Variants in PCDHA8 observed in about 807,000 individuals in gnomAD.
PCDHA8 encodes protocadherin alpha-8.
A neutral mutation model predicts 61.8 loss-of-function variants in PCDHA8; 53 were observed. The observed-to-expected ratio is 0.86, with a 90% confidence interval of 0.69 to 1.08. PCDHA8 has a LOEUF of 1.08. PCDHA8 is among the 50% of genes least tolerant of loss of function. The probability of loss-of-function intolerance (pLI) is 0.00; values close to 1 mark genes in which losing one functional copy is unlikely to be tolerated. For synonymous variants in PCDHA8, 618 were observed against 556.6 expected (o/e 1.11, Z -1.55); for missense variants, 1,293 against 1,245.0 (o/e 1.04, Z -0.58).
rs571034520 is a variant in PCDHA8 at position 140,922,140 on chromosome 5, A to G, written c.2395-56809A>G. ...CACCTTTAAATGTCTCTTATCCTCC[A>G]TGAAACTCATCAAAAACAACAAAAA... On this transcript the variant is annotated intron_variant, in intron 1 of 3. Coordinates refer to ENST00000531613, the MANE Select transcript of PCDHA8 (RefSeq NM_018911.3). Among the ~76,000 whole-genome samples the G allele has an allele frequency of 6.6e-5, 10 of 152,202 alleles. No individual in the cohort carries two copies. The East Asian group carries it at 1.9e-3, about 29-fold the overall frequency.
chr5:140,938,760 T>C (rs574872397), intron 1 of PCDHA8, among the ~76,000 whole-genome samples: 2 of 152,286 alleles, frequency 1.3e-5, no homozygotes, highest in Admixed American at 1.3e-4. Flanking sequence ...GCATAGTTAT[T>C]GGGTACTAGA....
chr5:140,857,320 G>T, intron 1 of PCDHA8: 1 of 1,598,728 alleles, frequency 6.3e-7, no homozygotes. Flanking sequence ...AGCTGGTGGT[G>T]ACCGCGCGGG....
chr5:140,954,025 C>T (rs533473552), intron 1 of PCDHA8, among the ~76,000 whole-genome samples: 385 of 152,188 alleles, frequency 2.5e-3, no homozygotes, highest in Middle Eastern at 0.014. Context: ...CATAGTGGGA[C>T]GATGTGGTAT....
intron 1 of PCDHA8, among the ~76,000 whole-genome samples, chr5:140,947,996 T>G (rs185303145): frequency 1.1e-4 from 14 of 126,854 alleles, no homozygotes; most frequent in Non-Finnish European, 2.3e-4. Flanking sequence ...CCAAATACTT[T>G]ATTAAATTTA....
chr5:140,902,530 G>A (rs569387885), intron 1 of PCDHA8, among the ~76,000 whole-genome samples: 11 of 152,144 alleles, frequency 7.2e-5, no homozygotes, highest in African/African-American at 2.7e-4. Flanking sequence ...TTATTATGTT[G>A]AGGTATGTTC....
intron 1 of PCDHA8, chr5:140,862,823 C>A (rs782375120): frequency 8.7e-6 from 5 of 571,444 alleles, no homozygotes; most frequent in Admixed American, 1.9e-5. Flanking sequence ...TAGGTGAGAG[C>A]GCGCGACGCG....
At chr5:140,991,452 C>T (rs1162146299) in intron 3 of PCDHA8, among the ~76,000 whole-genome samples, 3 of 152,184 alleles carry the variant, frequency 2.0e-5, no homozygotes, top group African/African-American at 7.2e-5. Context: ...TAAAACAACA[C>T]AATGTATTAT....
intron 1 of PCDHA8, among the ~76,000 whole-genome samples, chr5:140,890,921 T>G (rs1165166836): frequency 6.6e-6 from 1 of 152,222 alleles, no homozygotes; most frequent in Non-Finnish European, 1.5e-5. Flanking sequence ...ATTTGAGAGT[T>G]TCCTTTAGTC....
chr5:140,907,239 C>A (rs1447900433), intron 1 of PCDHA8, among the ~76,000 whole-genome samples: 1 of 152,200 alleles, frequency 6.6e-6, no homozygotes, highest in African/African-American at 2.4e-5. Flanking sequence ...ACCTAGTTGA[C>A]ATTGTAATTG....
At chr5:140,924,901 A>AAAAAAATAAAT (rs369245222) in intron 1 of PCDHA8, among the ~76,000 whole-genome samples, 34 of 80,504 alleles carry the variant, frequency 4.2e-4, no homozygotes, top group Non-Finnish European at 7.7e-4. Context: ...TCTCAAAAAA[A>AAAAAAATAAAT]AAAATAAAAT....
intron 1 of PCDHA8, chr5:140,870,246 C>T (rs782184125): frequency 1.9e-6 from 3 of 1,614,168 alleles, no homozygotes; most frequent in South Asian, 2.2e-5. Flanking sequence ...CAGGTGTCAA[C>T]GGACAGGTGA....
intron 1 of PCDHA8, among the ~76,000 whole-genome samples, chr5:140,898,068 C>A (rs1420706890): frequency 8.5e-5 from 13 of 152,050 alleles, no homozygotes; most frequent in African/African-American, 2.7e-4. Context: ...TGTTTGAGTT[C>A]ATTGTAGATT....
At chr5:140,935,073 A>G (rs77827614) in intron 1 of PCDHA8, among the ~76,000 whole-genome samples, 63 of 152,260 alleles carry the variant, frequency 4.1e-4, no homozygotes, top group African/African-American at 1.3e-3. Context: ...ATTATCTTGT[A>G]CATTTCCTTT....
chr5:140,882,104 A>C, intron 1 of PCDHA8: 2 of 1,343,832 alleles, frequency 1.5e-6, no homozygotes. Context: ...CGTTTCCGCG[A>C]AGAAAGCCGC....
rs781827236 is a variant in PCDHA8, at chr5:140,877,873, T to C, written c.2394+34158T>C. ...TTAATATTATTTAGATATATTTGTT[T>C]CCTTGAAGAACTTCCGTTTAGGTTA... On this transcript the variant is annotated intron_variant, in intron 1 of 3. Transcript: ENST00000531613. 6.8e-6 allele frequency: 10 copies of C among 1,481,404 alleles called. 1 individual carries two copies. In the Admixed American group the frequency reaches 2.1e-4, roughly 30 times the overall value. 91.8% of individuals were successfully genotyped at this position (1,481,404 alleles called of 1,614,324 possible).
Position 140,850,271 on chromosome 5 carries a change from G to T in PCDHA8, c.2394+6556G>T, listed in dbSNP as rs2150476864. 1.9e-6 allele frequency: 3 copies of T among 1,595,372 alleles called. No homozygotes were observed. The South Asian group carries it at 3.3e-5, about 18-fold the overall frequency. On this transcript the variant is annotated intron_variant, in intron 1 of 3. Coordinates refer to ENST00000531613, the MANE Select transcript of PCDHA8 (RefSeq NM_018911.3). ...CGGTGGGCGCCGGCGTAGTGGTGGG[G>T]AAGGTGCGCGCAGTGGACGCCGACT...
intron 1 of PCDHA8, among the ~76,000 whole-genome samples, chr5:140,886,497 T>A (rs2061000599): frequency 6.6e-6 from 1 of 152,160 alleles, no homozygotes; most frequent in Non-Finnish European, 1.5e-5. Context: ...TATATCTTTT[T>A]CCTTTTATGG....
intron 1 of PCDHA8, among the ~76,000 whole-genome samples, chr5:140,945,334 A>G (rs1352254498): frequency 6.6e-6 from 1 of 152,134 alleles, no homozygotes; most frequent in Non-Finnish European, 1.5e-5. Flanking sequence ...TTTTATGTTC[A>G]TAGCTTGGAA....
chr5:140,899,162 C>T (rs1237064232), intron 1 of PCDHA8, among the ~76,000 whole-genome samples: 31 of 152,224 alleles, frequency 2.0e-4, no homozygotes, highest in African/African-American at 7.2e-4. Flanking sequence ...TTCCTCTTTT[C>T]CTAATTGAAT....
Sources: allele counts gnomAD v4.1 joint callset (sites outside exome capture counted in the v4.1 genomes callset), GRCh38; gene constraint gnomAD v4.1.1; transcripts MANE v1.5; gene names NCBI Gene and HGNC (gene_info 2026-07-23, HGNC 2026-07-21).